ZNF83: variants seen among roughly 807,000 people sequenced by gnomAD.
ZNF83 encodes zinc finger protein 83, also known as zinc finger protein 816B.
For synonymous variants in ZNF83, 209 were observed against 213.0 expected (o/e 0.98, Z 0.17); for missense variants, 552 against 629.9 (o/e 0.88, Z 1.32).
In ZNF83 at chr19:52,614,761, G is replaced by A. The variant is rs1453523198; in HGVS notation, c.-197C>T. ...TTCTCCTGTATTACTCTCCTTTTTT[G>A]GTGGTAATTCCTTGATCTCACATTT... is the stretch of plus-strand genomic sequence containing the variant. On this transcript the variant is annotated 5_prime_UTR_variant, in exon 3 of 3. An upstream open reading frame in the 5' UTR gains an earlier in-frame stop. Coordinates refer to ENST00000301096, the Ensembl canonical transcript of ZNF83. 2.3e-6 allele frequency: 3 copies of A among 1,286,664 alleles called. No homozygotes were observed. Among genetic ancestry groups the A allele is most frequent in the Admixed American group, 3.7e-5 (1 of 26,918 alleles). 79.7% of individuals were successfully genotyped at this position (1,286,664 alleles called of 1,614,324 possible).
At chr19:52,664,009 C>G (rs1291415500) in intron 1 of ZNF83, among the ~76,000 whole-genome samples, 1 of 152,150 alleles carries the variant, frequency 6.6e-6, no homozygotes, top group East Asian at 1.9e-4. Flanking sequence ...GCCTGTCTCC[C>G]CAGTAGCTGG....
intron 2 of ZNF83, among the ~76,000 whole-genome samples, chr19:52,627,513 T>C (rs2060789258): frequency 1.3e-5 from 2 of 151,980 alleles, no homozygotes; most frequent in Non-Finnish European, 2.9e-5. Context: ...AATACAAAAA[T>C]TAGCCAGGCA....
At chr19:52,679,184 C>A (rs866943406) in intron 1 of ZNF83, among the ~76,000 whole-genome samples, 2 of 152,350 alleles carry the variant, frequency 1.3e-5, no homozygotes, top group Middle Eastern at 3.4e-3. Context: ...TCATAGGAGG[C>A]TGTGAGCCCA....
At chr19:52,651,112 T>C (rs1490708705) in intron 3 of ZNF83, 1 of 152,240 alleles carries the variant, frequency 6.6e-6, no homozygotes, top group Admixed American at 6.5e-5. Flanking sequence ...TTGGTGATAC[T>C]GACTTGTAGA....
chr19:52,624,946 C>T (rs1321000403), intron 2 of ZNF83, among the ~76,000 whole-genome samples: 2 of 152,066 alleles, frequency 1.3e-5, no homozygotes, highest in African/African-American at 2.4e-5. Flanking sequence ...TGTTCCTGGC[C>T]CAGACATCAA....
chr19:52,680,830 T>C (rs1217700761), intron 1 of ZNF83, among the ~76,000 whole-genome samples: 4 of 150,408 alleles, frequency 2.7e-5, no homozygotes, highest in African/African-American at 7.4e-5. Flanking sequence ...GCCAGGATGG[T>C]CTCGATCTCC....
At chr19:52,613,721 T>G (rs2060197317) in exon 3 of ZNF83, 1 of 1,362,434 alleles carries the variant, frequency 7.3e-7, no homozygotes, top group Non-Finnish European at 9.5e-7. Flanking sequence ...CCAGTGTGGA[T>G]TCTCTGATGT....
chr19:52,675,681 C>T (rs1422427354), intron 1 of ZNF83, among the ~76,000 whole-genome samples: 2 of 151,960 alleles, frequency 1.3e-5, no homozygotes, highest in Non-Finnish European at 2.9e-5. Context: ...GATCAATGTA[C>T]CATGTGATGC....
At chr19:52,612,697 T>C in exon 3 of ZNF83, 1 of 307,390 alleles carries the variant, frequency 3.3e-6, no homozygotes, top group Non-Finnish European at 6.0e-6. Flanking sequence ...GTGTTTTTGT[T>C]TCTCTCAAGC....
intron 3 of ZNF83, among the ~76,000 whole-genome samples, chr19:52,650,149 G>GA (rs1488355091): frequency 6.6e-6 from 1 of 151,988 alleles, no homozygotes; most frequent in African/African-American, 2.4e-5. Context: ...CCCACTTAAG[G>GA]AATTTAAAGA....
In ZNF83 at chr19:52,683,228, C is replaced by CTGTGTGTG. The variant is rs67463602; in HGVS notation, c.-283+7207_-283+7214dup. Among the ~76,000 whole-genome samples the CTGTGTGTG allele has an allele frequency of 2.5e-3, 321 of 128,030 alleles. 5 individuals carry two copies. The highest frequency in any genetic ancestry group is 0.022 in the East Asian group (99 of 4,580). The allele number at this position is 128,030 out of a possible 152,430, so 84.0% of individuals were successfully genotyped here. A position where few individuals can be genotyped will look rare whatever the true frequency, so the allele number is the denominator to read the frequency against. ...TCAGCTCCTCAGCTGCCCTGTGACT[C>CTGTGTGTG]TGTGTGTGTGTGTGTGTGTGTGTGT... On this transcript the variant is annotated intron_variant, in intron 1 of 5. Coordinates refer to the ZNF83 transcript ENST00000594682.
chr19:52,635,295 A>C (rs1214012929), intron 1 of ZNF83, 142 bp from the exon 2 acceptor site: 4 of 446,810 alleles, frequency 9.0e-6, no homozygotes, highest in Non-Finnish European at 1.6e-5. Context: ...ATAAACTCCT[A>C]CAGGAAAACT....
chr19:52,613,251 G>A (rs779714569), exon 3 of ZNF83: 5 of 1,613,914 alleles, frequency 3.1e-6, no homozygotes, highest in Admixed American at 3.3e-5. Context: ...AGTTTAGACC[G>A]AAGACCTTCC....
chr19:52,675,139 C>T (rs2061781387), intron 1 of ZNF83, among the ~76,000 whole-genome samples: 1 of 152,236 alleles, frequency 6.6e-6, no homozygotes. Flanking sequence ...AGAATCTGTA[C>T]TATAAAGCTT....
At chr19:52,632,994 C>G (rs1011850910) in intron 2 of ZNF83, among the ~76,000 whole-genome samples, 2 of 152,168 alleles carry the variant, frequency 1.3e-5, no homozygotes, top group African/African-American at 2.4e-5. Context: ...ACCGTCCCAA[C>G]ACTTTACCAC....
intron 1 of ZNF83, among the ~76,000 whole-genome samples, chr19:52,679,519 G>A (rs143625686): frequency 1.3e-5 from 2 of 152,306 alleles, no homozygotes; most frequent in East Asian, 3.9e-4. Context: ...GCTCAGGCAG[G>A]AGAATTGCTT....
chr19:52,614,614 T>C (rs376630384), exon 3 of ZNF83: 67 of 1,498,386 alleles, frequency 4.5e-5, no homozygotes, highest in Non-Finnish European at 5.8e-5. Context: ...CACTCGCTTA[T>C]AATGTCTTCA....
At chr19:52,683,431 G>T (rs2147360332) in intron 1 of ZNF83, among the ~76,000 whole-genome samples, 1 of 151,780 alleles carries the variant, frequency 6.6e-6, no homozygotes, top group African/African-American at 2.4e-5. Context: ...GGAGCCTCCA[G>T]CTCCTCCGGA....
At chr19:52,649,121 G>A (rs2061411187) in intron 3 of ZNF83, among the ~76,000 whole-genome samples, 1 of 152,104 alleles carries the variant, frequency 6.6e-6, no homozygotes, top group Non-Finnish European at 1.5e-5. Context: ...CAGCACTCGA[G>A]GCTGACACAG....
Sources: gnomAD v4.1 joint callset for allele counts (sites outside exome capture counted in the v4.1 genomes callset) on GRCh38, gnomAD v4.1.1 for gene constraint, MANE v1.5 for transcripts, NCBI Gene and HGNC (gene_info 2026-07-23, HGNC 2026-07-21) for gene names.